The following PRKG1 variants were observed in gnomAD, a reference collection of about 807,000 sequenced individuals.
The protein encoded by PRKG1 is cGMP-dependent protein kinase 1.
In PRKG1, 35 loss-of-function variants were observed where a neutral mutation model predicts 88.1. The observed-to-expected ratio is 0.40, with a 90% confidence interval of 0.30 to 0.53. PRKG1 has a LOEUF of 0.53. Among genes scored for constraint, PRKG1 ranks in the 20% least tolerant of loss-of-function variants. The pLI, the probability that PRKG1 is intolerant of heterozygous loss-of-function variation, is 0.59. For synonymous variants in PRKG1, 303 were observed against 292.5 expected, an observed-to-expected ratio of 1.04 and a Z score of -0.37; for missense variants, 540 against 839.8, an observed-to-expected ratio of 0.64 and a Z score of 4.41.
intron 1 of PRKG1, among the ~76,000 whole-genome samples, chr10:51,036,811 G>A (rs916953339): frequency 6.6e-6 from 1 of 152,136 alleles, no homozygotes; most frequent in African/African-American, 2.4e-5. Flanking sequence ...GGGAAGGGAA[G>A]GAACCAATGT....
chr10:51,113,324 T>C (rs1393445509), intron 1 of PRKG1, among the ~76,000 whole-genome samples: 1 of 152,174 alleles, frequency 6.6e-6, no homozygotes, highest in Non-Finnish European at 1.5e-5. Flanking sequence ...TGCCACTATA[T>C]TTTTATGCCT....
intron 8 of PRKG1, among the ~76,000 whole-genome samples, chr10:52,138,779 TCTGAAA>T (rs1411222761): frequency 6.6e-6 from 1 of 152,098 alleles, no homozygotes; most frequent in Non-Finnish European, 1.5e-5. Context: ...AGTAGCAATC[TCTGAAA>T]CTGAGATATC....
intron 4 of PRKG1, among the ~76,000 whole-genome samples, chr10:51,872,598 A>G (rs944767923): frequency 7.9e-5 from 12 of 152,260 alleles, no homozygotes; most frequent in African/African-American, 2.6e-4. Flanking sequence ...TTCTTTTAGC[A>G]TCATTAAATA....
chr10:51,813,701 C>T (rs1383648748), intron 4 of PRKG1, among the ~76,000 whole-genome samples: 1 of 152,078 alleles, frequency 6.6e-6, no homozygotes, highest in Non-Finnish European at 1.5e-5. Context: ...AAATATTAGT[C>T]CCTGCACATT....
At chr10:51,966,015 A>T (rs1033349569) in intron 5 of PRKG1, among the ~76,000 whole-genome samples, 1 of 152,206 alleles carries the variant, frequency 6.6e-6, no homozygotes, top group East Asian at 1.9e-4. Flanking sequence ...TTATATAGTT[A>T]TGCACCAAGA....
chr10:51,609,446 T>C (rs2132241017), intron 3 of PRKG1, among the ~76,000 whole-genome samples: 1 of 152,322 alleles, frequency 6.6e-6, no homozygotes, highest in South Asian at 2.1e-4. Flanking sequence ...CTCAAAGATC[T>C]AGAACCAGAA....
chr10:51,734,071 T>TA (rs35571541), intron 3 of PRKG1, among the ~76,000 whole-genome samples: 1,973 of 151,886 alleles, frequency 0.013, 15 homozygotes, highest in Non-Finnish European at 0.022. Flanking sequence ...TTAGCTTTTT[T>TA]AAAAAAAAAT....
intron 2 of PRKG1, among the ~76,000 whole-genome samples, chr10:51,269,809 A>G (rs7096345): frequency 0.16 from 24,836 of 152,168 alleles, 2,177 homozygotes; most frequent in Non-Finnish European, 0.2. Context: ...AGAAATCACC[A>G]CTAATGAACT....
intron 1 of PRKG1, among the ~76,000 whole-genome samples, chr10:51,076,248 T>C (rs1367499455): frequency 6.6e-6 from 1 of 152,052 alleles, no homozygotes; most frequent in Non-Finnish European, 1.5e-5. Context: ...TGCGAGGGAG[T>C]TGGAAAGAGA....
intron 14 of PRKG1, among the ~76,000 whole-genome samples, chr10:52,288,046 T>C (rs1442103633): frequency 6.6e-6 from 1 of 152,124 alleles, no homozygotes; most frequent in Non-Finnish European, 1.5e-5. Context: ...GGGACTCTAA[T>C]TTAGATTAAA....
chr10:52,147,388 A>C (rs536791795), intron 8 of PRKG1, among the ~76,000 whole-genome samples: 1 of 152,310 alleles, frequency 6.6e-6, no homozygotes, highest in Middle Eastern at 3.4e-3. Context: ...TTTTTGTTTT[A>C]ATACACTCAT....
intron 2 of PRKG1, among the ~76,000 whole-genome samples, chr10:51,219,482 G>A (rs1199138903): frequency 6.6e-6 from 1 of 151,878 alleles, no homozygotes; most frequent in African/African-American, 2.4e-5. Context: ...GGCTGTGGCG[G>A]GTGGATCACA....
intron 1 of PRKG1, among the ~76,000 whole-genome samples, chr10:51,103,483 T>C (rs563875879): frequency 2.6e-5 from 4 of 152,312 alleles, no homozygotes; most frequent in Admixed American, 2.6e-4. Context: ...CAACATAGAA[T>C]TCCGAGCCCA....
At chr10:51,698,848 A>G (rs1030885581) in intron 3 of PRKG1, 9 of 1,614,202 alleles carry the variant, frequency 5.6e-6, no homozygotes, top group Non-Finnish European at 7.6e-6. Context: ...GAGGAGCTGG[A>G]GGATTCTGCT....
At chr10:51,987,211 G>T (rs762595639) in intron 5 of PRKG1, among the ~76,000 whole-genome samples, 3 of 152,056 alleles carry the variant, frequency 2.0e-5, no homozygotes, top group Non-Finnish European at 2.9e-5. Context: ...TGTAAATGAT[G>T]TCCAGCAAAG....
chr10:51,104,970 A>C (rs1844795252), intron 1 of PRKG1, among the ~76,000 whole-genome samples: 1 of 152,008 alleles, frequency 6.6e-6, no homozygotes, highest in African/African-American at 2.4e-5. Context: ...ACCTCAAGTG[A>C]TCACCCACCC....
At chr10:51,690,048 T>G (rs1841097040) in intron 3 of PRKG1, among the ~76,000 whole-genome samples, 1 of 152,154 alleles carries the variant, frequency 6.6e-6, no homozygotes, top group Admixed American at 6.5e-5. Flanking sequence ...GGCATTGACT[T>G]GGCTTCTGGG....
intron 1 of PRKG1, among the ~76,000 whole-genome samples, chr10:51,084,598 T>G (rs1844201747): frequency 6.6e-6 from 1 of 152,234 alleles, no homozygotes; most frequent in Non-Finnish European, 1.5e-5. Context: ...GTAAGCTATT[T>G]ACTTATGCTT....
chr10:51,734,567 G>A (rs971558916), intron 3 of PRKG1, among the ~76,000 whole-genome samples: 3 of 152,060 alleles, frequency 2.0e-5, no homozygotes, highest in Non-Finnish European at 2.9e-5. Context: ...TGTCCAATAC[G>A]GAGTAAATGG....
Sources: gnomAD v4.1 joint callset for allele counts (sites outside exome capture counted in the v4.1 genomes callset) on GRCh38, gnomAD v4.1.1 for gene constraint, MANE v1.5 for transcripts, NCBI Gene and HGNC (gene_info 2026-07-23, HGNC 2026-07-21) for gene names.